Variants in ATP8A1 observed in about 807,000 individuals in gnomAD.
ATP8A1 encodes phospholipid-transporting ATPase IA.
ATP8A1 carries 90 observed loss-of-function variants against 177.7 expected under a neutral mutation model. The observed-to-expected ratio is 0.51, with a 90% CI of 0.43 to 0.60. The LOEUF is 0.60. ATP8A1 is among the 20% of genes least tolerant of loss of function. ATP8A1 has a pLI of 0.00. For synonymous variants in ATP8A1, 493 were observed against 485.9 expected (o/e 1.01, Z -0.19); for missense variants, 1,072 against 1,392.8 (o/e 0.77, Z 3.67).
chr4:42,455,831 T>C (rs1019351125), intron 27 of ATP8A1, among the ~76,000 whole-genome samples: 1 of 152,204 alleles, frequency 6.6e-6, no homozygotes, highest in African/African-American at 2.4e-5. Flanking sequence ...AAAAGAAATA[T>C]ATGAACAGGC....
At chr4:42,477,891 G>A (rs945133389) in intron 25 of ATP8A1, among the ~76,000 whole-genome samples, 1 of 151,926 alleles carries the variant, frequency 6.6e-6, no homozygotes, top group Non-Finnish European at 1.5e-5. Flanking sequence ...GCTGATGTGA[G>A]AGGACAGCTT....
intron 25 of ATP8A1, among the ~76,000 whole-genome samples, chr4:42,469,384 G>A (rs1443802022): frequency 2.0e-5 from 3 of 152,188 alleles, no homozygotes; most frequent in African/African-American, 7.2e-5. Flanking sequence ...ATAGTGTGCT[G>A]TGAGTACCTG....
intron 29 of ATP8A1, among the ~76,000 whole-genome samples, chr4:42,454,274 G>C (rs767714306): frequency 2.0e-5 from 3 of 152,158 alleles, no homozygotes; most frequent in Non-Finnish European, 2.9e-5. Context: ...TGAGGTTAGA[G>C]GCACCAAAAC....
chr4:42,476,966 T>C (rs1469018898), intron 25 of ATP8A1, among the ~76,000 whole-genome samples: 1 of 152,246 alleles, frequency 6.6e-6, no homozygotes, highest in African/African-American at 2.4e-5. Context: ...ATATGTCTGT[T>C]TGATATATAT....
chr4:42,619,049 A>AT (rs1362175745), intron 4 of ATP8A1, among the ~76,000 whole-genome samples: 3 of 144,852 alleles, frequency 2.1e-5, no homozygotes, highest in African/African-American at 2.5e-5. Context: ...GCCTAGTGTG[A>AT]TTTTTTTGTT....
intron 22 of ATP8A1, among the ~76,000 whole-genome samples, chr4:42,509,770 T>C (rs1191918028): frequency 2.1e-5 from 3 of 139,732 alleles, no homozygotes; most frequent in Non-Finnish European, 1.5e-5. Flanking sequence ...GAGAATGGCA[T>C]GAACCCAGGA....
At position 42,569,210 on chromosome 4, in the gene ATP8A1, A is replaced by C; in HGVS notation, c.1296-5T>G. 6.2e-7 allele frequency: 1 copy of C among 1,604,522 alleles called. No homozygotes were observed. Among genetic ancestry groups the C allele is most frequent in the Non-Finnish European group, 8.5e-7 (1 of 1,174,890 alleles). ...TCCTCAGGTTCAGGGACATGGCTTCAGAAAGCAAGAAGAGAGGCAGAAAGA... is the reference window on the plus strand; with the variant it reads ...TCCTCAGGTTCAGGGACATGGCTTCCGAAAGCAAGAAGAGAGGCAGAAAGA... On this transcript the variant is annotated splice_region_variant and splice_polypyrimidine_tract_variant and intron_variant, in intron 14 of 36. Coordinates refer to ENST00000381668, the MANE Select transcript of ATP8A1 (RefSeq NM_006095.2).
At chr4:42,469,010 G>C (rs934714647) in intron 25 of ATP8A1, among the ~76,000 whole-genome samples, 1 of 105,700 alleles carries the variant, frequency 9.5e-6, no homozygotes, top group Admixed American at 8.9e-5. Flanking sequence ...GGGGTCTGCT[G>C]TTTGAAACTG....
intron 24 of ATP8A1, among the ~76,000 whole-genome samples, chr4:42,494,162 CAAAAAAA>C (rs397993131): frequency 0.018 from 962 of 53,492 alleles, 25 homozygotes; most frequent in African/African-American, 0.052. Context: ...GATCATGCCA[CAAAAAAA>C]AAAAAAAAAA....
chr4:42,584,853 G>C (rs1282032914), intron 9 of ATP8A1, among the ~76,000 whole-genome samples: 1 of 152,150 alleles, frequency 6.6e-6, no homozygotes, highest in Non-Finnish European at 1.5e-5. Flanking sequence ...GTCCAAAACT[G>C]AACTGCTGAC....
intron 5 of ATP8A1, among the ~76,000 whole-genome samples, chr4:42,613,746 A>C (rs967473953): frequency 2.6e-5 from 4 of 151,672 alleles, no homozygotes; most frequent in African/African-American, 9.7e-5. Flanking sequence ...ACCACGCCCA[A>C]CTAATTTTTG....
intron 6 of ATP8A1, chr4:42,594,256 C>A: frequency 7.4e-7 from 1 of 1,356,930 alleles, no homozygotes; most frequent in South Asian, 1.2e-5. Flanking sequence ...AAACCATCCT[C>A]TACACTGTTT....
At chr4:42,458,194 A>G (rs942738778) in intron 27 of ATP8A1, among the ~76,000 whole-genome samples, 1 of 140,538 alleles carries the variant, frequency 7.1e-6, no homozygotes, top group African/African-American at 3.3e-5. Context: ...CGTGCAAAAT[A>G]AAACAACATC....
chr4:42,472,248 C>T (rs570097683), intron 25 of ATP8A1: 17 of 570,826 alleles, frequency 3.0e-5, no homozygotes, highest in South Asian at 2.1e-4. Flanking sequence ...TGGATGACAG[C>T]CGGCTCATAA....
In ATP8A1 at chr4:42,475,711, T is replaced by C. The variant is rs112499132; in HGVS notation, c.2324+9785A>G. Among the ~76,000 whole-genome samples the C allele has an allele frequency of 6.2e-3, 945 of 152,238 alleles. 6 individuals are homozygous for C. The highest frequency in any genetic ancestry group is 0.021 in the African/African-American group (867 of 41,534). ...AGCTCATTTATTCTTCATAACTCTA[T>C]GAGAAGAACAATTTCTATCTCTATT... On this transcript the variant is annotated intron_variant, in intron 25 of 36. Coordinates refer to ENST00000381668, the MANE Select transcript of ATP8A1 (RefSeq NM_006095.2).
At chr4:42,635,441 ATATTAGCTGCTCAAGTTTC>A (rs1247688270) in intron 1 of ATP8A1, among the ~76,000 whole-genome samples, 1 of 152,032 alleles carries the variant, frequency 6.6e-6, no homozygotes, top group Non-Finnish European at 1.5e-5. Context: ...TAAAGGGACC[ATATTAGCTGCTCAAGTTTC>A]TTGACTTAGG....
At chr4:42,425,239 A>G (rs917042723) in intron 33 of ATP8A1, among the ~76,000 whole-genome samples, 6 of 151,936 alleles carry the variant, frequency 3.9e-5, no homozygotes, top group Non-Finnish European at 5.9e-5. Context: ...GGGGCAAGAG[A>G]AGGAGGATTT....
chr4:42,421,300 G>A (rs922500226), intron 35 of ATP8A1, among the ~76,000 whole-genome samples: 4 of 152,152 alleles, frequency 2.6e-5, no homozygotes, highest in Non-Finnish European at 5.9e-5. Context: ...TGTCAAGTTA[G>A]TAGTAGGCTG....
At chr4:42,566,748 T>G (rs921543098) in intron 15 of ATP8A1, among the ~76,000 whole-genome samples, 6 of 152,262 alleles carry the variant, frequency 3.9e-5, no homozygotes. Context: ...TAGGATGTAA[T>G]GTAACCAGTA....
Sources: allele counts gnomAD v4.1 joint callset (sites outside exome capture counted in the v4.1 genomes callset), GRCh38; gene constraint gnomAD v4.1.1; transcripts MANE v1.5; gene names NCBI Gene and HGNC (gene_info 2026-07-23, HGNC 2026-07-21).